Variants in OTUD7A observed in about 807,000 individuals in gnomAD.
OTUD7A encodes the protein OTU deubiquitinase 7A, also known as OTU domain-containing protein 7A.
A neutral mutation model predicts 65.7 loss-of-function variants in OTUD7A; 12 were observed. The ratio of observed to expected loss-of-function variants is 0.18; its 90% CI spans 0.12 to 0.30. The LOEUF (loss-of-function observed/expected upper bound fraction) is 0.30. OTUD7A is among the 10% of genes least tolerant of loss of function. The pLI, the probability that OTUD7A is intolerant of heterozygous loss-of-function variation, is 1.00. For synonymous variants in OTUD7A, 641 were observed against 586.3 expected (o/e 1.09, Z -1.35); for missense variants, 1,148 against 1,304.8 (o/e 0.88, Z 1.85).
intron 1 of OTUD7A, among the ~76,000 whole-genome samples, chr15:31,779,373 T>A (rs1895476087): frequency 6.6e-6 from 1 of 152,232 alleles, no homozygotes; most frequent in Admixed American, 6.5e-5. Flanking sequence ...CCAGGCAACA[T>A]GTGCTTTTTA....
chr15:31,568,664 G>T (rs913724703), intron 4 of OTUD7A, among the ~76,000 whole-genome samples: 1 of 152,198 alleles, frequency 6.6e-6, no homozygotes, highest in Non-Finnish European at 1.5e-5. Flanking sequence ...AATGCAATCC[G>T]CCATCTTGGA....
At chr15:31,629,035 C>T (rs1891055353) in intron 3 of OTUD7A, among the ~76,000 whole-genome samples, 1 of 152,058 alleles carries the variant, frequency 6.6e-6, no homozygotes, top group African/African-American at 2.4e-5. Context: ...ATGTCATCTG[C>T]AAACAGGGAC....
intron 9 of OTUD7A, among the ~76,000 whole-genome samples, chr15:31,502,276 A>G (rs1392262666): frequency 6.6e-6 from 1 of 152,226 alleles, no homozygotes; most frequent in African/African-American, 2.4e-5. Context: ...GAGCTCCAGG[A>G]CCAAGATGTA....
intron 3 of OTUD7A, among the ~76,000 whole-genome samples, chr15:31,631,638 C>T (rs1437347031): frequency 6.6e-6 from 1 of 152,182 alleles, no homozygotes; most frequent in Non-Finnish European, 1.5e-5. Flanking sequence ...GTTTGCCTGC[C>T]TTGCTAGATT....
intron 3 of OTUD7A, among the ~76,000 whole-genome samples, chr15:31,584,024 T>C (rs530859835): frequency 1.6e-4 from 25 of 152,268 alleles, no homozygotes; most frequent in African/African-American, 6.0e-4. Flanking sequence ...TCTCTGTCAG[T>C]GCAGGCAAAT....
intron 1 of OTUD7A, among the ~76,000 whole-genome samples, chr15:31,832,152 AG>A (rs1896949450): frequency 6.6e-6 from 1 of 152,208 alleles, no homozygotes. Context: ...TGTTGCAGGG[AG>A]CCCTTACCTC....
intron 1 of OTUD7A, among the ~76,000 whole-genome samples, chr15:31,830,337 T>C (rs1402293460): frequency 6.6e-6 from 1 of 152,202 alleles, no homozygotes; most frequent in East Asian, 1.9e-4. Context: ...TCCCTCTGAA[T>C]ATCTGCAATA....
intron 3 of OTUD7A, among the ~76,000 whole-genome samples, chr15:31,610,617 A>ATATATATATTTTTTTTTTTT: frequency 3.3e-5 from 1 of 30,560 alleles, no homozygotes; most frequent in Non-Finnish European, 4.9e-5. Flanking sequence ...ATATATATAT[A>ATATATATATTTTTTTTTTTT]TTTTTTTTTT....
chr15:31,824,345 T>C (rs1188418684), intron 1 of OTUD7A, among the ~76,000 whole-genome samples: 8 of 152,214 alleles, frequency 5.3e-5, no homozygotes, highest in African/African-American at 1.9e-4. Flanking sequence ...TTTGCAAGGA[T>C]GCTCCATGCA....
At chr15:31,589,220 GAA>G (rs1164836328) in intron 3 of OTUD7A, among the ~76,000 whole-genome samples, 1 of 152,060 alleles carries the variant, frequency 6.6e-6, no homozygotes, top group Non-Finnish European at 1.5e-5. Flanking sequence ...AGAACTGAAA[GAA>G]GAGATATCAA....
chr15:31,870,488 G>A lies in OTUD7A; in HGVS notation c.-100+19C>T, dbSNP rs1275235406. ...GGCCCCGCCGCCCGCCGGCAGCACC[G>A]CGGCCAGCGCCGTCTTACCTGCCGC... On this transcript the variant is annotated intron_variant, in intron 1 of 12. Transcript: ENST00000307050. 1 of 148,132 alleles carries A rather than the reference G, an allele frequency of 6.8e-6. No individual in the cohort carries two copies. The highest frequency in any genetic ancestry group is 1.5e-5 in the Non-Finnish European group (1 of 66,398). 9.2% of individuals were successfully genotyped at this position (148,132 alleles called of 1,614,324 possible). A position where few individuals can be genotyped will look rare whatever the true frequency, so the allele number is the denominator to read the frequency against.
At position 31,481,204 on chromosome 15, in the gene OTUD7A, T is replaced by C. The variant is rs904104764; in HGVS notation, c.*2090A>G. 2.6e-5 allele frequency: 4 copies of C among 152,258 alleles called. No individual in the cohort carries two copies. Among genetic ancestry groups the C allele is most frequent in the Admixed American group, 1.3e-4 (2 of 15,292 alleles). The allele number at this position is 152,258 out of a possible 1,614,324, so 9.4% of individuals were successfully genotyped here. On this transcript the variant is annotated 3_prime_UTR_variant, in exon 13 of 13. Coordinates refer to ENST00000307050, the MANE Select transcript of OTUD7A (RefSeq NM_001382637.1). ...AAAAAACAAGCAAGAATTGACTTTATGCCTCCTTGACATCTTGTGCATATG... is the reference window on the plus strand; with the variant it reads ...AAAAAACAAGCAAGAATTGACTTTACGCCTCCTTGACATCTTGTGCATATG...
intron 10 of OTUD7A, among the ~76,000 whole-genome samples, chr15:31,491,116 G>A (rs369850846): frequency 2.0e-4 from 30 of 148,470 alleles, no homozygotes; most frequent in African/African-American, 7.4e-4. Context: ...AAACCTATGA[G>A]GCGAAAGGAA....
At chr15:31,665,418 C>T (rs1315127364) in intron 1 of OTUD7A, among the ~76,000 whole-genome samples, 1 of 152,014 alleles carries the variant, frequency 6.6e-6, no homozygotes, top group African/African-American at 2.4e-5. Flanking sequence ...TTTATTTTTG[C>T]AGCTGTTATA....
intron 1 of OTUD7A, among the ~76,000 whole-genome samples, chr15:31,845,934 T>C (rs1176322803): frequency 6.6e-6 from 1 of 152,070 alleles, no homozygotes; most frequent in African/African-American, 2.4e-5. Flanking sequence ...AGGCCTGGGG[T>C]CTGATAAGGA....
At chr15:31,547,011 C>A (rs927402866) in intron 5 of OTUD7A, among the ~76,000 whole-genome samples, 3 of 121,374 alleles carry the variant, frequency 2.5e-5, no homozygotes, top group African/African-American at 7.7e-5. Flanking sequence ...ATGATTTGCA[C>A]ACTTTCCCAC....
At chr15:31,842,635 G>A (rs1446894810) in intron 1 of OTUD7A, among the ~76,000 whole-genome samples, 2 of 152,068 alleles carry the variant, frequency 1.3e-5, no homozygotes, top group South Asian at 2.1e-4. Context: ...TATCACAAAC[G>A]CACTCTGAAT....
intron 3 of OTUD7A, among the ~76,000 whole-genome samples, chr15:31,642,933 C>T (rs1349082624): frequency 6.6e-6 from 1 of 151,854 alleles, no homozygotes; most frequent in African/African-American, 2.4e-5. Context: ...GTTTAATTTG[C>T]TCTTTTTTTT....
intron 1 of OTUD7A, among the ~76,000 whole-genome samples, chr15:31,814,299 A>G (rs1896495111): frequency 6.6e-6 from 1 of 152,092 alleles, no homozygotes; most frequent in Non-Finnish European, 1.5e-5. Context: ...TTCACAATTC[A>G]CCAGGCAGAA....
Sources: gnomAD v4.1 joint callset for allele counts (sites outside exome capture counted in the v4.1 genomes callset) on GRCh38, gnomAD v4.1.1 for gene constraint, MANE v1.5 for transcripts, NCBI Gene and HGNC (gene_info 2026-07-23, HGNC 2026-07-21) for gene names.